NRCAM: variants seen among roughly 807,000 people sequenced by gnomAD.
The protein encoded by NRCAM is NgCAM-related cell adhesion molecule.
In NRCAM, 83 loss-of-function variants were observed where a neutral mutation model predicts 156.5. The ratio of observed to expected loss-of-function variants is 0.53; its 90% CI spans 0.44 to 0.64. The LOEUF is 0.64. Among genes scored for constraint, NRCAM ranks in the 30% least tolerant of loss-of-function variants. The probability of loss-of-function intolerance (pLI) is 0.00; values close to 1 mark genes in which losing one functional copy is unlikely to be tolerated. For synonymous variants in NRCAM, 538 were observed against 563.9 expected, an observed-to-expected ratio of 0.95 and a Z score of 0.65; for missense variants, 1,417 against 1,597.3, an observed-to-expected ratio of 0.89 and a Z score of 1.92.
At chr7:108,449,802 T>A (rs1410059691) in intron 1 of NRCAM, among the ~76,000 whole-genome samples, 1 of 152,192 alleles carries the variant, frequency 6.6e-6, no homozygotes, top group Non-Finnish European at 1.5e-5. Flanking sequence ...ATACTGAATT[T>A]TTTGAATGCT....
intron 11 of NRCAM, among the ~76,000 whole-genome samples, chr7:108,212,867 C>T (rs557409866): frequency 3.0e-4 from 46 of 152,184 alleles, no homozygotes; most frequent in African/African-American, 1.0e-3. Context: ...TTGCTAGGGA[C>T]CTAGACATTC....
chr7:108,219,912 T>C (rs1205382361), intron 11 of NRCAM, among the ~76,000 whole-genome samples: 1 of 152,178 alleles, frequency 6.6e-6, no homozygotes, highest in Non-Finnish European at 1.5e-5. Flanking sequence ...AGTCAAACTG[T>C]CACTGTTTGC....
chr7:108,456,435 C>A lies in NRCAM; in HGVS notation c.-524G>T, dbSNP rs1303767362. ...CGCCAGCGACCCTGGCGAAGCGAGG[C>A]TGGCCCCGCGCCGGCGCGCGCCCCC... On this transcript the variant is annotated 5_prime_UTR_variant, in exon 1 of 33. Transcript: ENST00000379028. 1 of 151,042 alleles carries A rather than the reference C, an allele frequency of 6.6e-6. No individual in the cohort carries two copies. Among genetic ancestry groups the A allele is most frequent in the South Asian group, 2.0e-4 (1 of 4,880 alleles). The allele number at this position is 151,042 out of a possible 1,614,324, so 9.4% of individuals were successfully genotyped here.
intron 3 of NRCAM, among the ~76,000 whole-genome samples, chr7:108,264,494 C>A (rs1215748447): frequency 6.6e-6 from 1 of 152,212 alleles, no homozygotes; most frequent in Non-Finnish European, 1.5e-5. Context: ...ACAGATTATT[C>A]TTCTACCTTT....
At position 108,232,327 on chromosome 7, in the gene NRCAM, G is replaced by A; in HGVS notation, c.426C>T (p.Ser142=). ...AVSNNIVVRP[S]RSPLWTKEKL... is the part of the protein sequence containing the mutation. ...GTTGGTTGACAAGTTTCCACTTACT[G>A]GATGGGCGGACAACAATGTTATTAG... The change falls in exon 7 of 33, where the codon TCC becomes TCT. Residue 142 remains serine, a splice_region_variant and synonymous_variant. Coordinates refer to ENST00000379028, the MANE Select transcript of NRCAM (RefSeq NM_001037132.4). 1 of 1,595,512 alleles carries A rather than the reference G, an allele frequency of 6.3e-7. No homozygotes were observed. Among genetic ancestry groups the A allele is most frequent in the Non-Finnish European group, 8.5e-7 (1 of 1,172,398 alleles).
chr7:108,302,558 AAGT>A (rs1295106913), intron 3 of NRCAM, among the ~76,000 whole-genome samples: 1 of 152,172 alleles, frequency 6.6e-6, no homozygotes, highest in Non-Finnish European at 1.5e-5. Context: ...GATGGAACTA[AAGT>A]TCTTGGTAAA....
chr7:108,403,763 G>C (rs1234568927), intron 1 of NRCAM, among the ~76,000 whole-genome samples: 1 of 152,178 alleles, frequency 6.6e-6, no homozygotes, highest in African/African-American at 2.4e-5. Flanking sequence ...TTATGTTTGA[G>C]AAACATATTG....
At chr7:108,364,769 T>C (rs772593556) in intron 2 of NRCAM, among the ~76,000 whole-genome samples, 6 of 136,450 alleles carry the variant, frequency 4.4e-5, no homozygotes, top group Non-Finnish European at 3.0e-5. Flanking sequence ...TCCACTCATA[T>C]GAAATGTCCA....
intron 3 of NRCAM, among the ~76,000 whole-genome samples, chr7:108,266,157 T>C (rs2097095695): frequency 6.6e-6 from 1 of 152,204 alleles, no homozygotes; most frequent in South Asian, 2.1e-4. Flanking sequence ...TTCCCTCACA[T>C]CATTGTTTTG....
chr7:108,195,634 T>A, intron 15 of NRCAM, 127 bp downstream of exon 15: 1 of 622,906 alleles, frequency 1.6e-6, no homozygotes, highest in Non-Finnish European at 2.9e-6. Flanking sequence ...AAAAAATATA[T>A]TAACAGTGTA....
chr7:108,179,508 T>C (rs1187002180), intron 25 of NRCAM, among the ~76,000 whole-genome samples: 2 of 152,194 alleles, frequency 1.3e-5, no homozygotes, highest in South Asian at 2.1e-4. Flanking sequence ...TTAAAATAGG[T>C]AAAACCCATT....
At chr7:108,434,579 C>T (rs1277733421) in intron 1 of NRCAM, among the ~76,000 whole-genome samples, 3 of 149,790 alleles carry the variant, frequency 2.0e-5, no homozygotes, top group East Asian at 2.0e-4. Flanking sequence ...CACACACACA[C>T]GACACAAGAG....
intron 24 of NRCAM, 62 bp downstream of exon 24, chr7:108,181,760 G>T: frequency 8.9e-7 from 1 of 1,119,980 alleles, no homozygotes; most frequent in South Asian, 1.3e-5. Flanking sequence ...TGGTATGCAT[G>T]ACAAGTGGCA....
intron 2 of NRCAM, among the ~76,000 whole-genome samples, chr7:108,336,383 AAAAG>A (rs1466225228): frequency 6.6e-6 from 1 of 152,260 alleles, no homozygotes; most frequent in African/African-American, 2.4e-5. Flanking sequence ...GAAATTTTTT[AAAAG>A]AATGAAAACC....
At chr7:108,398,106 C>G (rs569479172) in intron 2 of NRCAM, among the ~76,000 whole-genome samples, 2 of 152,320 alleles carry the variant, frequency 1.3e-5, no homozygotes, top group Admixed American at 1.3e-4. Context: ...GAATCTTCCC[C>G]TTACCTCCAC....
At chr7:108,370,391 A>G (rs1458822344) in intron 2 of NRCAM, among the ~76,000 whole-genome samples, 3 of 152,164 alleles carry the variant, frequency 2.0e-5, no homozygotes, top group Non-Finnish European at 4.4e-5. Flanking sequence ...GTCAGGCAAC[A>G]TAGAATGTTT....
chr7:108,169,362 AAAG>A (rs1436135931), intron 28 of NRCAM, among the ~76,000 whole-genome samples: 14 of 152,210 alleles, frequency 9.2e-5, no homozygotes, highest in Admixed American at 5.2e-4. Flanking sequence ...GGTAGTTAAA[AAAG>A]AAGATCAATT....
intron 19 of NRCAM, among the ~76,000 whole-genome samples, chr7:108,190,795 T>C (rs2070847006): frequency 6.6e-6 from 1 of 152,222 alleles, no homozygotes; most frequent in Non-Finnish European, 1.5e-5. Context: ...AATGTTGTTC[T>C]AAACATCTAT....
intron 2 of NRCAM, among the ~76,000 whole-genome samples, chr7:108,344,573 A>G (rs771333032): frequency 6.6e-6 from 1 of 152,152 alleles, no homozygotes; most frequent in East Asian, 1.9e-4. Context: ...TTTTGCTGCT[A>G]TGAAGAGTAA....
Sources: allele counts gnomAD v4.1 joint callset (sites outside exome capture counted in the v4.1 genomes callset), GRCh38; gene constraint gnomAD v4.1.1; transcripts MANE v1.5; gene names NCBI Gene and HGNC (gene_info 2026-07-23, HGNC 2026-07-21).